Variants in AGAP1 observed in about 807,000 individuals in gnomAD.
AGAP1 encodes arf-GAP with GTPase, ANK repeat and PH domain-containing protein 1.
In AGAP1, 29 loss-of-function variants were observed where a neutral mutation model predicts 105.3. That is an observed-to-expected ratio of 0.28 (90% CI 0.21 to 0.38). The LOEUF (loss-of-function observed/expected upper bound fraction) is 0.38. Among genes scored for constraint, AGAP1 ranks in the 10% least tolerant of loss-of-function variants. The pLI is 1.00. For missense variants in AGAP1, 998 were observed against 1,165.1 expected, an observed-to-expected ratio of 0.86 and a Z score of 2.09; for synonymous variants, 509 against 485.9, an observed-to-expected ratio of 1.05 and a Z score of -0.63.
chr2:236,059,101 AG>A (rs1410688279), intron 16 of AGAP1, among the ~76,000 whole-genome samples: 1 of 152,032 alleles, frequency 6.6e-6, no homozygotes, highest in Non-Finnish European at 1.5e-5. Context: ...CTGAGGCTGG[AG>A]GATTACTTGA....
chr2:235,853,293 C>G, intron 9 of AGAP1: 4 of 891,952 alleles, frequency 4.5e-6, no homozygotes, highest in Non-Finnish European at 5.4e-6. Context: ...TTTGAAATAT[C>G]TGACTCAGGC....
chr2:235,986,095 C>G (rs2055303217), intron 13 of AGAP1, among the ~76,000 whole-genome samples: 1 of 152,142 alleles, frequency 6.6e-6, no homozygotes, highest in Admixed American at 6.5e-5. Context: ...TTCTTCCTAT[C>G]CATGAGGATG....
intron 1 of AGAP1, among the ~76,000 whole-genome samples, chr2:235,606,133 G>A (rs959690322): frequency 2.6e-5 from 4 of 152,152 alleles, no homozygotes; most frequent in Non-Finnish European, 4.4e-5. Context: ...CCATTTCCCC[G>A]GCCTTTCACC....
At chr2:235,565,439 A>G (rs1039213241) in intron 1 of AGAP1, among the ~76,000 whole-genome samples, 1 of 152,238 alleles carries the variant, frequency 6.6e-6, no homozygotes, top group African/African-American at 2.4e-5. Context: ...TCTCATCTGC[A>G]TTGTTGCCTG....
intron 6 of AGAP1, among the ~76,000 whole-genome samples, chr2:235,784,443 A>C (rs1360673518): frequency 1.3e-5 from 2 of 152,160 alleles, no homozygotes; most frequent in African/African-American, 4.8e-5. Context: ...ACTCTAATTA[A>C]CACTTAACAT....
intron 12 of AGAP1, among the ~76,000 whole-genome samples, chr2:235,956,586 G>A (rs1232116433): frequency 1.5e-4 from 23 of 152,236 alleles, no homozygotes; most frequent in Non-Finnish European, 1.5e-5. Flanking sequence ...GAAAGTGACA[G>A]GAACCAAGAG....
rs546272500 is a variant in AGAP1 at position 235,992,964 on chromosome 2, C to T, written c.1645+24341C>T. Among the ~76,000 whole-genome samples the T allele has an allele frequency of 6.6e-6, 1 of 152,150 alleles. No individual in the cohort carries two copies. The highest frequency in any genetic ancestry group is 6.5e-5 in the Admixed American group (1 of 15,270). Reference sequence around the variant, plus strand: ...GGCCACATAGTGGAACTGGAAATGCCTCCATGCTGACGTGTCTGCCTTTCA... The same window carrying T: ...GGCCACATAGTGGAACTGGAAATGCTTCCATGCTGACGTGTCTGCCTTTCA... On this transcript the variant is annotated intron_variant, in intron 13 of 17. Coordinates refer to ENST00000304032, the MANE Select transcript of AGAP1 (RefSeq NM_001037131.3). The surrounding 1 kb of genome is among the most constrained non-coding windows in gnomAD (Gnocchi z 4.8).
rs535659775 is a variant in AGAP1 at position 235,599,111 on chromosome 2, ATGC to A, written c.163+104267_163+104269del. On this transcript the variant is annotated intron_variant, in intron 1 of 17. Transcript: ENST00000304032. The surrounding 1 kb of genome is among the most constrained non-coding windows in gnomAD (Gnocchi z 5.3). Reference sequence around the variant, plus strand: ...GATGCTTGCAGTAAGTCCATTTGAGATGCTGCTTCTATTTTTCCTTGTGGAGAA... The same window carrying A: ...GATGCTTGCAGTAAGTCCATTTGAGATGCTTCTATTTTTCCTTGTGGAGAA... 1.5e-4 allele frequency among the ~76,000 whole-genome samples: 23 copies of A among 152,252 alleles called. No homozygotes were observed. The highest frequency in any genetic ancestry group is 8.3e-4 in the South Asian group (4 of 4,826).
intron 16 of AGAP1, among the ~76,000 whole-genome samples, chr2:236,115,227 G>A (rs947476270): frequency 1.3e-5 from 2 of 152,194 alleles, no homozygotes; most frequent in African/African-American, 2.4e-5. Context: ...TTCTTCAGTC[G>A]TGACAGCCGC....
Position 235,596,651 on chromosome 2 carries a change from AAATT to A in AGAP1, c.163+101803_163+101806del, listed in dbSNP as rs1945534478. ...GGGGATTGTGTAAGAAGATGTTGTT[AAATT>A]TATTTTTAGAATAATAGACTTTTAG... On this transcript the variant is annotated intron_variant, in intron 1 of 17. Coordinates refer to ENST00000304032, the MANE Select transcript of AGAP1 (RefSeq NM_001037131.3). This position sits in a 1 kb window ranked among gnomAD's most constrained non-coding sequence, Gnocchi z 5.9. Among the ~76,000 whole-genome samples, 2 of 152,186 alleles carry A rather than the reference AAATT, an allele frequency of 1.3e-5. No individual in the cohort carries two copies. The highest frequency in any genetic ancestry group is 2.1e-4 in the South Asian group (1 of 4,828).
intron 16 of AGAP1, among the ~76,000 whole-genome samples, chr2:236,077,175 C>T (rs1188527562): frequency 6.8e-6 from 1 of 148,048 alleles, no homozygotes; most frequent in Non-Finnish European, 1.5e-5. Flanking sequence ...ATTCCAACCC[C>T]CGAGAGATAA....
Position 236,096,520 on chromosome 2 carries a change from G to T in AGAP1, c.2115-23672G>T, listed in dbSNP as rs1325178867. On this transcript the variant is annotated intron_variant, in intron 16 of 17. Coordinates refer to ENST00000304032, the MANE Select transcript of AGAP1 (RefSeq NM_001037131.3). This position sits in a 1 kb window ranked among gnomAD's most constrained non-coding sequence, Gnocchi z 4.4. ...CATCTCAAAAAAAAAAAAGCTTCTGGAATGTCATCAGTTAGATGGAATGCC... is the reference window on the plus strand; with the variant it reads ...CATCTCAAAAAAAAAAAAGCTTCTGTAATGTCATCAGTTAGATGGAATGCC... Among the ~76,000 whole-genome samples, 3 of 151,992 alleles carry T rather than the reference G, an allele frequency of 2.0e-5. No homozygotes were observed. Among genetic ancestry groups the T allele is most frequent in the Middle Eastern group, 6.8e-3 (2 of 294 alleles).
In AGAP1 at chr2:235,744,596, G is replaced by T; in HGVS notation, c.397-102G>T. 1 of 1,436,458 alleles carries T rather than the reference G, an allele frequency of 7.0e-7. No homozygotes were observed. Among genetic ancestry groups the T allele is most frequent in the East Asian group, 2.3e-5 (1 of 43,734 alleles). 89.0% of individuals were successfully genotyped at this position (1,436,458 alleles called of 1,614,324 possible). ...CAAGCACCCAGTGTGTGACCGAGGG[G>T]ATTCCTGCAGCCCCCTGCTGCCTGC... is the stretch of plus-strand genomic sequence containing the variant. On this transcript the variant is annotated intron_variant, in intron 4 of 17. Transcript: ENST00000304032. The surrounding 1 kb of genome is among the most constrained non-coding windows in gnomAD (Gnocchi z 5.2).
At chr2:235,913,710 G>C (rs2873336) in intron 11 of AGAP1, among the ~76,000 whole-genome samples, 10,914 of 152,218 alleles carry the variant, frequency 0.072, 1,306 homozygotes, top group African/African-American at 0.25. Context: ...ATGAACTAAA[G>C]AGTAACTTGA....
rs1000290639 is a variant in AGAP1 at position 235,732,789 on chromosome 2, T to A, written c.311-8174T>A. Reference sequence around the variant, plus strand: ...GGCTGTTGGGAGCCCGTGACCGCCCTGCTTCCTGTGGTGGGAGAAGGTGAG... The same window carrying A: ...GGCTGTTGGGAGCCCGTGACCGCCCAGCTTCCTGTGGTGGGAGAAGGTGAG... On this transcript the variant is annotated intron_variant, in intron 3 of 17. Transcript: ENST00000304032. The surrounding 1 kb of genome is among the most constrained non-coding windows in gnomAD (Gnocchi z 4.8). Among the ~76,000 whole-genome samples the A allele has an allele frequency of 6.6e-6, 1 of 152,160 alleles. No individual in the cohort carries two copies. The highest frequency in any genetic ancestry group is 2.4e-5 in the African/African-American group (1 of 41,434).
At chr2:235,567,684 G>T (rs1944390262) in intron 1 of AGAP1, among the ~76,000 whole-genome samples, 1 of 149,318 alleles carries the variant, frequency 6.7e-6, no homozygotes, top group South Asian at 2.1e-4. Context: ...GTGGTGGGGA[G>T]AAGGGGCTGC....
intron 16 of AGAP1, among the ~76,000 whole-genome samples, chr2:236,084,329 C>A (rs868224282): frequency 6.6e-6 from 1 of 152,146 alleles, no homozygotes; most frequent in Non-Finnish European, 1.5e-5. Context: ...ACAGTACATT[C>A]ATTCATTTCA....
chr2:235,758,073 A>C (rs1306478637), intron 6 of AGAP1, among the ~76,000 whole-genome samples: 1 of 151,624 alleles, frequency 6.6e-6, no homozygotes, highest in Non-Finnish European at 1.5e-5. Context: ...CTGTTTTATG[A>C]TTTGTTTTTG....
rs991038757 is a variant in AGAP1 at position 235,806,639 on chromosome 2, C to T, written c.958-600C>T. Among the ~76,000 whole-genome samples, 6 of 152,280 alleles carry T rather than the reference C, an allele frequency of 3.9e-5. No individual in the cohort carries two copies. In the South Asian group the frequency reaches 6.2e-4, roughly 16 times the overall value. On this transcript the variant is annotated intron_variant, in intron 8 of 17. Transcript: ENST00000304032. ...CAAATACTGACCTTTCGTCCAAAGG[C>T]GATTATCAGGGGTTTTTTTTCCCCT...
Sources: allele counts gnomAD v4.1 joint callset (sites outside exome capture counted in the v4.1 genomes callset), GRCh38; gene constraint gnomAD v4.1.1; non-coding constraint Gnocchi (gnomAD v3.1); transcripts MANE v1.5; gene names NCBI Gene and HGNC (gene_info 2026-07-23, HGNC 2026-07-21).